Variants in VAC14 observed in about 807,000 individuals in gnomAD.
VAC14 encodes the protein VAC14 component of PIKFYVE complex.
In VAC14, 47 loss-of-function variants were observed where a neutral mutation model predicts 85.3. The ratio of observed to expected loss-of-function variants is 0.55; its 90% CI spans 0.44 to 0.70. VAC14 has a LOEUF of 0.70. Among genes scored for constraint, VAC14 ranks in the 30% least tolerant of loss-of-function variants. The pLI is 0.00. For synonymous variants in VAC14, 447 were observed against 430.5 expected, an observed-to-expected ratio of 1.04 and a Z score of -0.47; for missense variants, 861 against 1,004.3, an observed-to-expected ratio of 0.86 and a Z score of 1.93.
At chr16:70,765,957 C>A (rs950045045) in intron 10 of VAC14, among the ~76,000 whole-genome samples, 1 of 152,052 alleles carries the variant, frequency 6.6e-6, no homozygotes, top group Admixed American at 6.5e-5. Context: ...CACAGCAAGA[C>A]CCTGTCTCTG....
intron 12 of VAC14, among the ~76,000 whole-genome samples, chr16:70,748,865 G>T (rs564125981): frequency 6.6e-6 from 1 of 152,314 alleles, no homozygotes; most frequent in South Asian, 2.1e-4. Context: ...AGAATTGCTT[G>T]AGCAGAGGCT....
chr16:70,701,396 T>C (rs1036980746), intron 14 of VAC14, among the ~76,000 whole-genome samples: 27 of 152,090 alleles, frequency 1.8e-4, no homozygotes, highest in Admixed American at 1.8e-3. Flanking sequence ...CTCATCTCAG[T>C]AAACGGTGGC....
At chr16:70,793,745 G>T (rs2034432510) in intron 1 of VAC14, among the ~76,000 whole-genome samples, 1 of 152,160 alleles carries the variant, frequency 6.6e-6, no homozygotes, top group Non-Finnish European at 1.5e-5. Flanking sequence ...GACTTTACAG[G>T]GCTTTTAGAG....
chr16:70,782,046 G>C, intron 7 of VAC14, 43 bp from the exon 8 acceptor site: 1 of 1,601,112 alleles, frequency 6.2e-7, no homozygotes, highest in Non-Finnish European at 8.5e-7. Flanking sequence ...AGCACACGCA[G>C]CCCGAGTGCT....
intron 2 of VAC14, 137 bp from the exon 3 acceptor site, chr16:70,786,006 C>A (rs1389025117): frequency 7.5e-7 from 1 of 1,331,696 alleles, no homozygotes; most frequent in Non-Finnish European, 1.0e-6. Flanking sequence ...AAGACCCTTC[C>A]CAAGCCTCAT....
In VAC14 at chr16:70,762,438, C is replaced by T; in HGVS notation, c.1371+102G>A. The T allele has an allele frequency of 8.3e-7, 1 of 1,206,930 alleles. No homozygotes were observed. Among genetic ancestry groups the T allele is most frequent in the Non-Finnish European group, 1.2e-6 (1 of 831,144 alleles). The allele number at this position is 1,206,930 out of a possible 1,614,324, so 74.8% of individuals were successfully genotyped here. On this transcript the variant is annotated intron_variant, in intron 12 of 18. Transcript: ENST00000261776. The surrounding 1 kb of genome is among the most constrained non-coding windows in gnomAD (Gnocchi z 4.1). The stretch of plus-strand genomic sequence containing the variant: ...GTGAGTATTAAACACAGCTTTACCT[C>T]TAGGAAGGATGCACTGTACCAAAAT...
chr16:70,769,248 G>C (rs922391064), intron 10 of VAC14: 3 of 161,190 alleles, frequency 1.9e-5, no homozygotes, highest in African/African-American at 7.2e-5. Context: ...TTTCTGCCGT[G>C]GGAGGAGTCT....
chr16:70,769,253 G>A (rs1374393966), intron 10 of VAC14: 1 of 160,910 alleles, frequency 6.2e-6, no homozygotes, highest in Non-Finnish European at 1.4e-5. Flanking sequence ...GCCGTGGGAG[G>A]AGTCTCCAGT....
intron 17 of VAC14, among the ~76,000 whole-genome samples, chr16:70,693,832 G>A (rs916801786): frequency 6.6e-6 from 1 of 152,208 alleles, no homozygotes. Context: ...CTTTGGGAGA[G>A]GGACTATGTC....
At chr16:70,720,133 G>A (rs756307942) in intron 14 of VAC14, among the ~76,000 whole-genome samples, 5 of 152,148 alleles carry the variant, frequency 3.3e-5, no homozygotes, top group Non-Finnish European at 7.4e-5. Context: ...TCAAAACCAG[G>A]CAAGATGAAC....
chr16:70,763,353 T>C (rs967866496), intron 10 of VAC14, among the ~76,000 whole-genome samples: 3 of 152,304 alleles, frequency 2.0e-5, no homozygotes, highest in Admixed American at 2.0e-4. Context: ...TTCCTTTTCT[T>C]TCTCCAGCAC....
chr16:70,737,297 G>A (rs768378801), intron 13 of VAC14, among the ~76,000 whole-genome samples: 5 of 152,186 alleles, frequency 3.3e-5, no homozygotes, highest in African/African-American at 1.2e-4. Flanking sequence ...CCAACACTGC[G>A]CTCCGAGGAC....
intron 14 of VAC14, among the ~76,000 whole-genome samples, chr16:70,718,550 G>A (rs200345911): frequency 1.3e-5 from 2 of 151,436 alleles, no homozygotes; most frequent in Admixed American, 1.3e-4. Flanking sequence ...CTCCAGTCTG[G>A]GTGACAGAAT....
At chr16:70,697,967 C>T (rs3785423) in intron 15 of VAC14, among the ~76,000 whole-genome samples, 9,681 of 144,392 alleles carry the variant, frequency 0.067, 546 homozygotes, top group African/African-American at 0.16. Context: ...CCCCTGTCCC[C>T]GCACGGCCTC....
chr16:70,768,609 T>TATCGCAG, intron 10 of VAC14: 1 of 319,556 alleles, frequency 3.1e-6, no homozygotes, highest in Non-Finnish European at 6.1e-6. Context: ...CACCAGGGGC[T>TATCGCAG]TCCCGAGTAT....
In VAC14 at chr16:70,762,917, C is replaced by T; in HGVS notation, c.1269G>A (p.Lys423=). The change falls in exon 11 of 19, where the codon AAG becomes AAA. Residue 423 remains lysine, a synonymous_variant. Coordinates refer to ENST00000261776, the MANE Select transcript of VAC14 (RefSeq NM_018052.5). The surrounding 1 kb of genome is among the most constrained non-coding windows in gnomAD (Gnocchi z 4.1). The part of the protein sequence containing the change: ...IGMMTRIAVL[K]WLYHLYIKTP... ...TTTTGATGTAGAGGTGGTAGAGCCA[C>T]TTGAGAACTGCAATCCTGGTCATCA... 5 of 1,614,208 alleles carry T rather than the reference C, an allele frequency of 3.1e-6. No homozygotes were observed. The highest frequency in any genetic ancestry group is 4.2e-6 in the Non-Finnish European group (5 of 1,180,044).
chr16:70,766,620 T>C (rs2032836340), intron 10 of VAC14: 1 of 435,132 alleles, frequency 2.3e-6, no homozygotes, highest in Non-Finnish European at 4.6e-6. Flanking sequence ...GGGACCCATC[T>C]GAGACCATGA....
At chr16:70,718,580 AAAAAAAAC>A (rs1343766813) in intron 14 of VAC14, among the ~76,000 whole-genome samples, 6 of 151,684 alleles carry the variant, frequency 4.0e-5, no homozygotes, top group Non-Finnish European at 7.4e-5. Flanking sequence ...TTTTAAAAAA[AAAAAAAAC>A]AAAAAAACAA....
At chr16:70,791,746 T>C (rs11646091) in intron 1 of VAC14, among the ~76,000 whole-genome samples, 4,059 of 152,272 alleles carry the variant, frequency 0.027, 82 homozygotes, top group Non-Finnish European at 0.039. Context: ...TCTCTAGCAC[T>C]AGGCCTCTCT....
Sources: gnomAD v4.1 joint callset for allele counts (sites outside exome capture counted in the v4.1 genomes callset) on GRCh38, gnomAD v4.1.1 for gene constraint, Gnocchi (gnomAD v3.1) non-coding constraint, MANE v1.5 for transcripts, NCBI Gene and HGNC (gene_info 2026-07-23, HGNC 2026-07-21) for gene names.